WWOX: variants seen among roughly 807,000 people sequenced by gnomAD.
The protein encoded by WWOX is WW domain-containing oxidoreductase.
WWOX carries 69 observed loss-of-function variants against 46.2 expected under a neutral mutation model. The ratio of observed to expected loss-of-function variants is 1.49; its 90% CI spans 1.23 to 1.82. The LOEUF (loss-of-function observed/expected upper bound fraction) is 1.82. WWOX is among the 40% of genes most tolerant of loss of function. WWOX has a pLI of 0.00. For missense variants in WWOX, 919 were observed against 542.6 expected (o/e 1.69, Z -6.89); for synonymous variants, 359 against 202.6 (o/e 1.77, Z -6.56).
intron 5 of WWOX, among the ~76,000 whole-genome samples, chr16:78,337,554 C>T: frequency 6.6e-6 from 1 of 152,282 alleles, no homozygotes; most frequent in East Asian, 1.9e-4. Context: ...TTGTTCAATG[C>T]ATAATGACAG....
At chr16:78,798,491 G>T (rs1441280586) in intron 8 of WWOX, among the ~76,000 whole-genome samples, 1 of 151,428 alleles carries the variant, frequency 6.6e-6, no homozygotes, top group African/African-American at 2.4e-5. Context: ...AGAAATTATT[G>T]TACAGCCTGT....
At chr16:78,230,072 G>T (rs1381861343) in intron 5 of WWOX, among the ~76,000 whole-genome samples, 1 of 151,984 alleles carries the variant, frequency 6.6e-6, no homozygotes, top group Non-Finnish European at 1.5e-5. Context: ...TGGAGATGGG[G>T]TTTTACCATG....
At chr16:78,938,950 A>G (rs1255801148) in intron 8 of WWOX, among the ~76,000 whole-genome samples, 1 of 152,246 alleles carries the variant, frequency 6.6e-6, no homozygotes, top group African/African-American at 2.4e-5. Flanking sequence ...ACTGAAAAAT[A>G]CAAAGGTAGA....
chr16:78,624,974 G>A (rs761169956), intron 8 of WWOX, among the ~76,000 whole-genome samples: 4 of 152,066 alleles, frequency 2.6e-5, no homozygotes, highest in African/African-American at 4.8e-5. Context: ...TTCATATCCT[G>A]GTTAATGTCC....
At chr16:78,638,014 G>T (rs996791978) in intron 8 of WWOX, among the ~76,000 whole-genome samples, 1 of 152,114 alleles carries the variant, frequency 6.6e-6, no homozygotes, top group Non-Finnish European at 1.5e-5. Context: ...CAGTGTTTGA[G>T]TTCTTCCCTG....
At chr16:78,467,149 G>C (rs1399481331) in intron 8 of WWOX, among the ~76,000 whole-genome samples, 1 of 152,104 alleles carries the variant, frequency 6.6e-6, no homozygotes, top group African/African-American at 2.4e-5. Context: ...CAAAGCCAAA[G>C]ATTCCATTTT....
At chr16:78,117,185 A>C (rs2032842505) in intron 4 of WWOX, among the ~76,000 whole-genome samples, 1 of 152,028 alleles carries the variant, frequency 6.6e-6, no homozygotes, top group African/African-American at 2.4e-5. Flanking sequence ...CCTTCCTGAT[A>C]CCTATAATTC....
chr16:78,581,276 G>A (rs1472166995), intron 8 of WWOX, among the ~76,000 whole-genome samples: 1 of 152,168 alleles, frequency 6.6e-6, no homozygotes, highest in African/African-American at 2.4e-5. Context: ...TGAGCATGTG[G>A]CTATTGTATT....
intron 8 of WWOX, among the ~76,000 whole-genome samples, chr16:78,559,697 C>T (rs1333487575): frequency 3.9e-5 from 6 of 152,148 alleles, no homozygotes; most frequent in African/African-American, 1.2e-4. Context: ...AATCCTCCTC[C>T]TCAAGGGAAA....
intron 5 of WWOX, among the ~76,000 whole-genome samples, chr16:78,292,576 A>G (rs1397566689): frequency 6.6e-6 from 1 of 152,168 alleles, no homozygotes; most frequent in Non-Finnish European, 1.5e-5. Context: ...CGGACTTAGA[A>G]TATTTAAATT....
chr16:78,867,212 G>T (rs1431926162), intron 8 of WWOX, among the ~76,000 whole-genome samples: 1 of 152,168 alleles, frequency 6.6e-6, no homozygotes, highest in African/African-American at 2.4e-5. Flanking sequence ...ACTGGTGAGT[G>T]GGGGAGTGCA....
intron 8 of WWOX, among the ~76,000 whole-genome samples, chr16:78,991,999 C>G (rs113030853): frequency 6.6e-6 from 1 of 152,180 alleles, no homozygotes; most frequent in Non-Finnish European, 1.5e-5. Flanking sequence ...GGTTGGGAAA[C>G]TCACCTGAAG....
chr16:78,566,169 G>C (rs1177243901), intron 8 of WWOX, among the ~76,000 whole-genome samples: 1 of 151,968 alleles, frequency 6.6e-6, no homozygotes, highest in African/African-American at 2.4e-5. Context: ...CTCTTATAAG[G>C]ATACTAATCC....
intron 8 of WWOX, among the ~76,000 whole-genome samples, chr16:78,678,430 TGG>T (rs2047654364): frequency 6.6e-6 from 1 of 152,218 alleles, no homozygotes; most frequent in East Asian, 1.9e-4. Context: ...TATTTTAGTT[TGG>T]CCTCAATCTT....
chr16:78,410,601 G>A (rs560449158), intron 6 of WWOX, among the ~76,000 whole-genome samples: 14 of 152,004 alleles, frequency 9.2e-5, no homozygotes, highest in African/African-American at 3.1e-4. Context: ...TTTGAGGTTA[G>A]GAGTTTGAGA....
chr16:78,376,432 G>A (rs2081827686), intron 5 of WWOX, among the ~76,000 whole-genome samples: 1 of 152,142 alleles, frequency 6.6e-6, no homozygotes, highest in Non-Finnish European at 1.5e-5. Flanking sequence ...TTATCTTGGG[G>A]CAGTAGGACT....
chr16:78,565,218 G>A (rs2044536156), intron 8 of WWOX, among the ~76,000 whole-genome samples: 1 of 152,150 alleles, frequency 6.6e-6, no homozygotes, highest in East Asian at 1.9e-4. Context: ...TAGCTGATTT[G>A]TTATAAACAA....
intron 8 of WWOX, among the ~76,000 whole-genome samples, chr16:78,961,136 A>G (rs555465979): frequency 3.9e-5 from 6 of 152,318 alleles, no homozygotes; most frequent in East Asian, 1.9e-4. Flanking sequence ...CAAGCATTCA[A>G]TGGTTATGTT....
At chr16:78,132,171 C>G (rs889676553) in intron 4 of WWOX, among the ~76,000 whole-genome samples, 2 of 151,182 alleles carry the variant, frequency 1.3e-5, no homozygotes, top group African/African-American at 4.9e-5. Context: ...ACTACAGGTG[C>G]CCGCCACCAC....
Sources: gnomAD v4.1 joint callset for allele counts (sites outside exome capture counted in the v4.1 genomes callset) on GRCh38, gnomAD v4.1.1 for gene constraint, MANE v1.5 for transcripts, NCBI Gene and HGNC (gene_info 2026-07-23, HGNC 2026-07-21) for gene names.